Variants in PTPRD observed in about 807,000 individuals in gnomAD.
PTPRD encodes the protein receptor-type tyrosine-protein phosphatase delta.
A neutral mutation model predicts 214.5 loss-of-function variants in PTPRD; 34 were observed. The ratio of observed to expected loss-of-function variants is 0.16; its 90% CI spans 0.12 to 0.21. The LOEUF is 0.21. Among genes scored for constraint, PTPRD ranks in the 10% least tolerant of loss-of-function variants. The pLI, the probability that PTPRD is intolerant of heterozygous loss-of-function variation, is 1.00. For synonymous variants in PTPRD, 1,128 were observed against 845.7 expected (o/e 1.33, Z -5.79); for missense variants, 2,545 against 2,398.7 (o/e 1.06, Z -1.27).
Position 9,761,672 on chromosome 9 carries a change from C to A in PTPRD, c.-326+5138G>T, listed in dbSNP as rs542145341. Among the ~76,000 whole-genome samples, 3 of 152,194 alleles carry A rather than the reference C, an allele frequency of 2.0e-5. No individual in the cohort carries two copies. The South Asian group carries it at 6.2e-4, about 32-fold the overall frequency. On this transcript the variant is annotated intron_variant, in intron 6 of 45. Coordinates refer to ENST00000381196, the MANE Select transcript of PTPRD (RefSeq NM_002839.4). ...GGGAAAACTTGGCAATGTGTACAGA[C>A]TCTCTTATGTTTTATAGCTGCATAT...
At chr9:8,926,864 T>C (rs1462117288) in intron 11 of PTPRD, among the ~76,000 whole-genome samples, 1 of 152,216 alleles carries the variant, frequency 6.6e-6, no homozygotes, top group African/African-American at 2.4e-5. Flanking sequence ...TTCCCTTTCT[T>C]ATATTTAAAT....
intron 14 of PTPRD, among the ~76,000 whole-genome samples, chr9:8,622,976 G>A (rs1203658910): frequency 6.7e-6 from 1 of 148,924 alleles, no homozygotes; most frequent in Non-Finnish European, 1.5e-5. Context: ...ATTTTCTAAA[G>A]AAAATTTACA....
intron 7 of PTPRD, among the ~76,000 whole-genome samples, chr9:9,706,546 TCTC>T (rs2097613652): frequency 6.6e-6 from 1 of 152,020 alleles, no homozygotes; most frequent in Admixed American, 6.6e-5. Context: ...TTCAAGCAAT[TCTC>T]CTGCTTCAGC....
intron 11 of PTPRD, among the ~76,000 whole-genome samples, chr9:8,952,272 T>C (rs2099106210): frequency 6.6e-6 from 1 of 151,952 alleles, no homozygotes; most frequent in African/African-American, 2.4e-5. Context: ...TGTATGTTCT[T>C]ACATGTCAAA....
chr9:8,363,122 T>C (rs1213332402), intron 39 of PTPRD, among the ~76,000 whole-genome samples: 1 of 152,198 alleles, frequency 6.6e-6, no homozygotes, highest in East Asian at 1.9e-4. Context: ...TGTTTGTCCA[T>C]ACAAAAATCC....
intron 35 of PTPRD, among the ~76,000 whole-genome samples, chr9:8,419,302 T>G (rs1589923468): frequency 6.6e-6 from 1 of 151,340 alleles, no homozygotes; most frequent in East Asian, 1.9e-4. Context: ...GTAAACAGAA[T>G]TTTATTCTGA....
At chr9:9,276,660 C>T (rs184761650) in intron 9 of PTPRD, among the ~76,000 whole-genome samples, 3 of 151,466 alleles carry the variant, frequency 2.0e-5, no homozygotes, top group Admixed American at 2.0e-4. Context: ...TTAATCTACA[C>T]ATGTACCTCT....
In PTPRD at chr9:8,884,320, G is replaced by C. The variant is rs1039220240; in HGVS notation, c.-104+134377C>G. Among the ~76,000 whole-genome samples the C allele has an allele frequency of 9.8e-5, 15 of 152,328 alleles. No individual in the cohort carries two copies. The East Asian group carries it at 2.5e-3, about 25-fold the overall frequency. ...GGAAAAGGATGATGCTCGATTGCCT[G>C]TTGCTGTTTAGTCTAACTTCTGAGA... On this transcript the variant is annotated intron_variant, in intron 11 of 45. Coordinates refer to ENST00000381196, the MANE Select transcript of PTPRD (RefSeq NM_002839.4).
intron 9 of PTPRD, among the ~76,000 whole-genome samples, chr9:9,393,252 T>A (rs2066525775): frequency 6.6e-6 from 1 of 152,152 alleles, no homozygotes; most frequent in Non-Finnish European, 1.5e-5. Context: ...GTCATCTTTC[T>A]CATTAACTCT....
chr9:8,330,555 A>ATAAC (rs1400180900), intron 44 of PTPRD, among the ~76,000 whole-genome samples: 2 of 107,676 alleles, frequency 1.9e-5, no homozygotes, highest in Non-Finnish European at 3.2e-5. Flanking sequence ...AGGATGTTTA[A>ATAAC]TAACTCAATA....
chr9:9,178,633 T>C (rs919222594), intron 10 of PTPRD, among the ~76,000 whole-genome samples: 4 of 152,116 alleles, frequency 2.6e-5, no homozygotes, highest in Admixed American at 6.6e-5. Flanking sequence ...ATTACAACTA[T>C]AGGCTTTTAG....
intron 14 of PTPRD, among the ~76,000 whole-genome samples, chr9:8,587,287 A>G (rs573643311): frequency 4.6e-5 from 7 of 152,360 alleles, no homozygotes; most frequent in African/African-American, 1.4e-4. Context: ...TGTTATGACA[A>G]CTGGTTTGAT....
At chr9:8,448,000 A>T (rs2095800963) in intron 34 of PTPRD, among the ~76,000 whole-genome samples, 1 of 152,132 alleles carries the variant, frequency 6.6e-6, no homozygotes, top group Non-Finnish European at 1.5e-5. Context: ...CTAAATTGAA[A>T]GGAATATAAA....
At chr9:8,706,548 A>G (rs1443716699) in intron 12 of PTPRD, among the ~76,000 whole-genome samples, 1 of 152,160 alleles carries the variant, frequency 6.6e-6, no homozygotes, top group Non-Finnish European at 1.5e-5. Flanking sequence ...TTTAAAAAGA[A>G]CTTCATATAT....
In PTPRD at chr9:8,636,810, C is replaced by G. The variant is rs770685926; in HGVS notation, c.99G>C (p.Gln33His). 2 of 1,613,942 alleles carry G rather than the reference C, an allele frequency of 1.2e-6. No individual in the cohort carries two copies. Among genetic ancestry groups the G allele is most frequent in the South Asian group, 1.1e-5 (1 of 91,078 alleles). The change falls in exon 13 of 46, where the codon CAG becomes CAC. Residue 33 changes from glutamine to histidine, a missense_variant. Gln to His is a conservative substitution (Grantham distance 24). Coordinates refer to ENST00000381196, the MANE Select transcript of PTPRD (RefSeq NM_002839.4). ...PPRFTRTPVD[Q>H]TGVSGGVASF... ...AGGCAACTCCGCCAGAGACCCCTGT[C>G]TGATCAACGGGTGTTCGTGTAAACC...
chr9:9,601,903 G>C (rs2093800248), intron 7 of PTPRD, among the ~76,000 whole-genome samples: 1 of 152,020 alleles, frequency 6.6e-6, no homozygotes, highest in Non-Finnish European at 1.5e-5. Flanking sequence ...AGCATGTAGA[G>C]AATAAATCAT....
intron 5 of PTPRD, among the ~76,000 whole-genome samples, chr9:9,878,129 C>T (rs985165018): frequency 1.3e-5 from 2 of 152,130 alleles, no homozygotes; most frequent in African/African-American, 2.4e-5. Context: ...CTTCTCAGGA[C>T]ATCCAGCTAG....
chr9:10,176,327 G>T (rs1019952599), intron 3 of PTPRD, among the ~76,000 whole-genome samples: 9 of 150,766 alleles, frequency 6.0e-5, no homozygotes, highest in Middle Eastern at 3.4e-3. Flanking sequence ...TCATCTTTTA[G>T]GAATGTAAAA....
At chr9:10,291,413 T>TAATC (rs756064718) in intron 3 of PTPRD, among the ~76,000 whole-genome samples, 5 of 152,230 alleles carry the variant, frequency 3.3e-5, no homozygotes, top group Admixed American at 6.5e-5. Context: ...TTTTCAGAGA[T>TAATC]GATTAAGGGA....
Sources: allele counts gnomAD v4.1 joint callset (sites outside exome capture counted in the v4.1 genomes callset), GRCh38; gene constraint gnomAD v4.1.1; transcripts MANE v1.5; gene names NCBI Gene and HGNC (gene_info 2026-07-23, HGNC 2026-07-21).